Variants in TTN observed in about 807,000 individuals in gnomAD.
TTN encodes the protein connectin.
In TTN, 1,525 loss-of-function variants were observed where a neutral mutation model predicts 3,223.0. The ratio of observed to expected loss-of-function variants is 0.47; its 90% CI spans 0.45 to 0.49. The LOEUF is 0.49. Ranked by LOEUF, TTN falls within the 20% of genes least tolerant of loss-of-function variation. The pLI is 0.00. For synonymous variants in TTN, 14,094 were observed against 15,161.0 expected (o/e 0.93, Z 5.17); for missense variants, 40,786 against 43,424.0 (o/e 0.94, Z 5.40).
chr2:178,667,790 T>C, intron 159 of TTN, 69 bp from the exon 160 acceptor site: 1 of 1,079,254 alleles, frequency 9.3e-7, no homozygotes, highest in Non-Finnish European at 1.3e-6. Flanking sequence ...TTAAGAAAAA[T>C]ATAATATATA....
In TTN at chr2:178,530,285, T is replaced by C. The variant is rs1688516881; in HGVS notation, c.106330A>G (p.Thr35444Ala). 1.2e-6 allele frequency: 2 copies of C among 1,612,408 alleles called. No individual in the cohort carries two copies. Among genetic ancestry groups the C allele is most frequent in the Non-Finnish European group, 8.5e-7 (1 of 1,178,694 alleles). The change falls in exon 358 of 363, where the codon ACT becomes GCT. Residue 35444 changes from threonine (T) to alanine (A), a missense_variant. Physicochemically the swap from Thr to Ala is moderately conservative, Grantham distance 58. Transcript: ENST00000589042. ...DSVAKFAVKA[T>A]GEPRPTAIWT... The stretch of plus-strand genomic sequence containing the variant: ...ATGGCAGTTGGCCGGGGTTCTCCAG[T>C]AGCCTTAACTGCAAATTTAGCAACA...
chr2:178,678,647 C>G, intron 143 of TTN, 100 bp downstream of exon 143: 1 of 1,211,742 alleles, frequency 8.3e-7, no homozygotes, highest in South Asian at 1.6e-5. Context: ...TTAATTTTCT[C>G]TAAAGAGTTG....
Position 178,601,872 on chromosome 2 carries a change from A to T in TTN, c.55302+10T>A. ...CATATTCTGAATTATTTTAATTATTATTTTTTTACCTGTGCATCTTCGGGT... is the reference window on the plus strand; with the variant it reads ...CATATTCTGAATTATTTTAATTATTTTTTTTTTACCTGTGCATCTTCGGGT... On this transcript the variant is annotated intron_variant, in intron 285 of 362. Coordinates refer to ENST00000589042, the MANE Select transcript of TTN (RefSeq NM_001267550.2). 1 of 1,608,910 alleles carries T rather than the reference A, an allele frequency of 6.2e-7. No homozygotes were observed. Among genetic ancestry groups the T allele is most frequent in the Non-Finnish European group, 8.5e-7 (1 of 1,178,250 alleles).
In TTN at chr2:178,548,544, C is replaced by T; in HGVS notation, c.93082G>A (p.Val31028Met). The T allele has an allele frequency of 6.2e-7, 1 of 1,613,868 alleles. No individual in the cohort carries two copies. Among genetic ancestry groups the T allele is most frequent in the Non-Finnish European group, 8.5e-7 (1 of 1,179,810 alleles). The change falls in exon 339 of 363, where the codon GTG (valine) becomes ATG (methionine). Residue 31028 changes from valine to methionine, a missense_variant. Physicochemically the swap from Val to Met is conservative, Grantham distance 21. Coordinates refer to ENST00000589042, the MANE Select transcript of TTN (RefSeq NM_001267550.2). The surrounding 1 kb of genome is among the most constrained non-coding windows in gnomAD (Gnocchi z 4.3). ...GPPGPITFKD[V>M]TRGSATLMWD... Reference sequence around the variant, plus strand: ...ATCAATGTAGCAGATCCCCGGGTCACATCTTTGAAGGTAATTGGGCCAGGT... The same window carrying T: ...ATCAATGTAGCAGATCCCCGGGTCATATCTTTGAAGGTAATTGGGCCAGGT...
chr2:178,749,477 T>C (rs533941874), intron 47 of TTN: 3 of 1,612,806 alleles, frequency 1.9e-6, no homozygotes, highest in South Asian at 1.1e-5. Flanking sequence ...GCTTTGAAAA[T>C]AGTCCCTTAC....
At position 178,548,510 on chromosome 2, in the gene TTN, G is replaced by A; in HGVS notation, c.93116C>T (p.Ala31039Val). 6.2e-7 allele frequency: 1 copy of A among 1,613,862 alleles called. No individual in the cohort carries two copies. The highest frequency in any genetic ancestry group is 2.2e-5 in the East Asian group (1 of 44,876). Residue 31039 changes from alanine to valine, a missense_variant, in exon 339 of 363, where the codon GCC becomes GTC. By Grantham distance (64) the Ala-to-Val change is moderately conservative (BLOSUM62 0). Coordinates refer to ENST00000589042, the MANE Select transcript of TTN (RefSeq NM_001267550.2). The surrounding 1 kb of genome is among the most constrained non-coding windows in gnomAD (Gnocchi z 4.3). ...TRGSATLMWD[A>V]PLLDGGARIH... The stretch of plus-strand genomic sequence containing the variant: ...TCGGGCACCACCGTCAAGAAGAGGG[G>A]CATCCCACATCAATGTAGCAGATCC...
At chr2:178,799,310 A>T in intron 6 of TTN, 177 bp downstream of exon 6, 1 of 934,358 alleles carries the variant, frequency 1.1e-6, no homozygotes, top group Non-Finnish European at 1.6e-6. Context: ...CCAGAGGAAC[A>T]CGGAGCCCCA....
chr2:178,621,875 C>G lies in TTN; in HGVS notation c.45047G>C (p.Arg15016Thr). The part of the protein sequence containing the change: ...DDEAEYSCEV[R>T]TARTSGMLTV... ...CAGCATGCCAGAAGTTCTCGCTGTC[C>G]TTACTTCACAGGAATATTCAGCTTC... Residue 15016 changes from arginine (R) to threonine (T), a missense_variant, in exon 244 of 363, where the codon AGG (arginine) becomes ACG (threonine). Physicochemically the swap from Arg to Thr is moderately conservative, Grantham distance 71. Coordinates refer to ENST00000589042, the MANE Select transcript of TTN (RefSeq NM_001267550.2). 6 of 1,612,214 alleles carry G rather than the reference C, an allele frequency of 3.7e-6. No homozygotes were observed. The highest frequency in any genetic ancestry group is 5.1e-6 in the Non-Finnish European group (6 of 1,178,990).
At position 178,591,391 on chromosome 2, in the gene TTN, A is replaced by G. The variant is rs547962583; in HGVS notation, c.60334T>C (p.Trp20112Arg). ...IRGVPVPTAKWTTDGSEIKTD... is the reference protein window; with the variant it reads ...IRGVPVPTAKRTTDGSEIKTD... ...TTAATCTCACTCCCATCGGTTGTCC[A>G]CTTTGCAGTAGGAACAGGCACACCT... Residue 20112 changes from tryptophan (W) to arginine (R), a missense_variant, in exon 304 of 363, where the codon TGG becomes CGG. Coordinates refer to ENST00000589042, the MANE Select transcript of TTN (RefSeq NM_001267550.2). 1.9e-6 allele frequency: 3 copies of G among 1,612,998 alleles called. No homozygotes were observed. Among genetic ancestry groups the G allele is most frequent in the East Asian group, 2.2e-5 (1 of 44,820 alleles).
In TTN at chr2:178,741,931, G is replaced by C. The variant is rs1462448146; in HGVS notation, c.11312-10C>G. 2 of 1,444,032 alleles carry C rather than the reference G, an allele frequency of 1.4e-6. No homozygotes were observed. Among genetic ancestry groups the C allele is most frequent in the African/African-American group, 2.9e-5 (2 of 69,432 alleles). The allele number at this position is 1,444,032 out of a possible 1,614,324, so 89.5% of individuals were successfully genotyped here. On this transcript the variant is annotated splice_polypyrimidine_tract_variant and intron_variant, in intron 47 of 362. Transcript: ENST00000589042. Reference sequence around the variant, plus strand: ...AAAGAACTAGAAAACTCTGTATGGGGAAAAATGATTATTATTTTACTATAA... The same window carrying C: ...AAAGAACTAGAAAACTCTGTATGGGCAAAAATGATTATTATTTTACTATAA...
At position 178,527,148 on chromosome 2, in the gene TTN, A is replaced by G. The variant is rs281864928; in HGVS notation, c.107840T>C (p.Ile35947Thr). The change falls in exon 363 of 363, where the codon ATT (isoleucine) becomes ACT (threonine). Residue 35947 changes from isoleucine (I) to threonine (T), a missense_variant. Ile to Thr is a moderately conservative substitution (Grantham distance 89). Coordinates refer to ENST00000589042, the MANE Select transcript of TTN (RefSeq NM_001267550.2). ...GGTTGTCAGGTCATCTGTGTTTTCA[A>G]TGTGGAACCTCCCCTGTTCTTGACT... ...IHSQEQGRFH[I>T]ENTDDLTTLI... The G allele has an allele frequency of 3.1e-6, 5 of 1,613,844 alleles. No homozygotes were observed. In the Admixed American group the frequency reaches 5.0e-5, roughly 16 times the overall value.
intron 20 of TTN, among the ~76,000 whole-genome samples, chr2:178,781,627 CAAT>C (rs1399826739): frequency 2.0e-5 from 3 of 152,166 alleles, no homozygotes; most frequent in African/African-American, 7.2e-5. Context: ...ATAATTAAAA[CAAT>C]AAATTCCTTC....
At chr2:178,666,136 G>A (rs563202421) in intron 163 of TTN, among the ~76,000 whole-genome samples, 1 of 152,108 alleles carries the variant, frequency 6.6e-6, no homozygotes, top group African/African-American at 2.4e-5. Flanking sequence ...GCATTTTTTT[G>A]TATTCACACC....
intron 272 of TTN, 38 bp from the exon 273 acceptor site, chr2:178,609,608 A>T (rs1197856184): frequency 6.4e-7 from 1 of 1,556,036 alleles, no homozygotes; most frequent in Admixed American, 2.0e-5. Flanking sequence ...TTCAATTCTG[A>T]TGAAAATAAC....
chr2:178,692,577 G>T lies in TTN; in HGVS notation c.31598C>A (p.Pro10533His), dbSNP rs755444703. 8 of 1,533,850 alleles carry T rather than the reference G, an allele frequency of 5.2e-6. No homozygotes were observed. In the East Asian group the frequency reaches 1.8e-4, roughly 35 times the overall value. ...SKRVEPPPKV[P>H]ELPEKPAPEE... ...TGGAGCTGGTTTCTCAGGTAGCTCA[G>T]GGACTTTAAAAGAAAAGTGCCATTT... Residue 10533 changes from proline to histidine, a missense_variant, in exon 120 of 363, where the codon CCT (proline) becomes CAT (histidine). Transcript: ENST00000589042.
Position 178,611,797 on chromosome 2 carries a change from T to C in TTN, c.50512A>G (p.Ser16838Gly), listed in dbSNP as rs781528949. The change falls in exon 268 of 363, where the codon AGT becomes GGT. Residue 16838 changes from serine to glycine, a missense_variant. Physicochemically the swap from Ser to Gly is moderately conservative, Grantham distance 56 (BLOSUM62 0). Coordinates refer to ENST00000589042, the MANE Select transcript of TTN (RefSeq NM_001267550.2). The part of the protein sequence containing the change: ...AENEAGVGHP[S>G]EPTEILSIED... Reference sequence around the variant, plus strand: ...ATGGATAGGATTTCTGTGGGTTCACTTGGGTGGCCAACTCCAGCTTCATTT... The same window carrying C: ...ATGGATAGGATTTCTGTGGGTTCACCTGGGTGGCCAACTCCAGCTTCATTT... The C allele has an allele frequency of 1.2e-6, 2 of 1,612,862 alleles. No homozygotes were observed. The highest frequency in any genetic ancestry group is 1.7e-4 in the Middle Eastern group (1 of 6,046).
rs2049487419 is a variant in TTN, at chr2:178,588,345, T to G, written c.63188-126A>C. The G allele has an allele frequency of 4.3e-6, 5 of 1,168,946 alleles. No individual in the cohort carries two copies. The East Asian group carries it at 1.3e-4, about 30-fold the overall frequency. 72.4% of individuals were successfully genotyped at this position (1,168,946 alleles called of 1,614,324 possible). ...TTTTCAATTAGTGTCCTCTTTATTT[T>G]CCTTCATAAAAATGAGAATCTACTA... On this transcript the variant is annotated intron_variant, in intron 304 of 362. Transcript: ENST00000589042.
rs1169617547 is a variant in TTN, at chr2:178,733,869, C to T, written c.15520G>A (p.Val5174Ile). 1.2e-6 allele frequency: 2 copies of T among 1,600,774 alleles called. No individual in the cohort carries two copies. Among genetic ancestry groups the T allele is most frequent in the Admixed American group, 1.7e-5 (1 of 59,084 alleles). The stretch of plus-strand genomic sequence containing the variant: ...CCTCCTAGTGCAATCAAATCATCTA[C>T]TTTCTTTACAAAGGTTGGAGGTTCT... ...LKEPPTFVKK[V>I]DDLIALGGQT... Residue 5174 changes from valine (V) to isoleucine (I), a missense_variant, in exon 53 of 363, where the codon GTA (valine) becomes ATA (isoleucine). By Grantham distance (29) the Val-to-Ile change is conservative. Transcript: ENST00000589042.
At position 178,560,969 on chromosome 2, in the gene TTN, A is replaced by T. The variant is rs1425261551; in HGVS notation, c.85163T>A (p.Val28388Glu). 1.2e-6 allele frequency: 2 copies of T among 1,613,844 alleles called. No individual in the cohort carries two copies. Among genetic ancestry groups the T allele is most frequent in the Non-Finnish European group, 1.7e-6 (2 of 1,179,814 alleles). The change falls in exon 326 of 363, where the codon GTA becomes GAA. Residue 28388 changes from valine (V) to glutamate (E), a missense_variant. Transcript: ENST00000589042. ...TATACCATCCTTGGCCCAGGAAATT[A>T]CTGGCAGAGGTCGCCCTGCAATGTC... ...NADIAGRPLP[V>E]ISWAKDGIEI...
Sources: allele counts gnomAD v4.1 joint callset (sites outside exome capture counted in the v4.1 genomes callset), GRCh38; gene constraint gnomAD v4.1.1; non-coding constraint Gnocchi (gnomAD v3.1); transcripts MANE v1.5; gene names NCBI Gene and HGNC (gene_info 2026-07-23, HGNC 2026-07-21).